The following NKAIN3 variants were observed in gnomAD, a reference collection of about 807,000 sequenced individuals.
The protein encoded by NKAIN3 is sodium/potassium-transporting ATPase subunit beta-1-interacting protein 3.
NKAIN3 carries 25 observed loss-of-function variants against 30.2 expected under a neutral mutation model. That is an observed-to-expected ratio of 0.83 (90% CI 0.60 to 1.16). The LOEUF (loss-of-function observed/expected upper bound fraction) is 1.16. Ranked by LOEUF, NKAIN3 falls within the 50% of genes most tolerant of loss-of-function variation. The probability of loss-of-function intolerance (pLI) is 0.00; values close to 1 mark genes in which losing one functional copy is unlikely to be tolerated. For synonymous variants in NKAIN3, 91 were observed against 89.6 expected (o/e 1.02, Z -0.09); for missense variants, 225 against 254.1 (o/e 0.89, Z 0.78).
intron 1 of NKAIN3, among the ~76,000 whole-genome samples, chr8:62,362,137 T>C (rs1816584657): frequency 6.6e-6 from 1 of 152,180 alleles, no homozygotes; most frequent in Non-Finnish European, 1.5e-5. Flanking sequence ...AACATAAATA[T>C]TGAATGAGTT....
At chr8:62,805,724 T>C (rs552100930) in intron 4 of NKAIN3, among the ~76,000 whole-genome samples, 76 of 152,312 alleles carry the variant, frequency 5.0e-4, no homozygotes, top group African/African-American at 1.8e-3. Flanking sequence ...GGCATTACCA[T>C]TCAGGACATA....
chr8:62,545,662 G>C (rs1808981262), intron 1 of NKAIN3, among the ~76,000 whole-genome samples: 1 of 152,126 alleles, frequency 6.6e-6, no homozygotes, highest in Non-Finnish European at 1.5e-5. Flanking sequence ...GCATGGAATT[G>C]ATGTGCAATA....
intron 3 of NKAIN3, among the ~76,000 whole-genome samples, chr8:62,605,366 A>G (rs1811092475): frequency 6.6e-6 from 1 of 152,038 alleles, no homozygotes; most frequent in East Asian, 1.9e-4. Flanking sequence ...GTTTTACATT[A>G]GAAAATGTGT....
At chr8:62,945,646 G>A (rs1823103037) in intron 5 of NKAIN3, among the ~76,000 whole-genome samples, 2 of 152,142 alleles carry the variant, frequency 1.3e-5, no homozygotes, top group African/African-American at 2.4e-5. Flanking sequence ...TCTTGAAATT[G>A]AACACTCTAC....
intron 1 of NKAIN3, among the ~76,000 whole-genome samples, chr8:62,447,794 A>G (rs1805529762): frequency 6.6e-6 from 1 of 152,046 alleles, no homozygotes. Context: ...GACACTGATT[A>G]TATCTATGTA....
chr8:62,372,106 G>A (rs887588717), intron 1 of NKAIN3, among the ~76,000 whole-genome samples: 2 of 151,826 alleles, frequency 1.3e-5, no homozygotes, highest in African/African-American at 2.4e-5. Context: ...CTGTGAGATA[G>A]AGAAAGCCAA....
chr8:62,617,233 A>G (rs958744457), intron 3 of NKAIN3, among the ~76,000 whole-genome samples: 3 of 152,176 alleles, frequency 2.0e-5, no homozygotes, highest in African/African-American at 7.2e-5. Flanking sequence ...CTTTATAGCA[A>G]TGCAAGAATG....
At chr8:62,475,494 C>T (rs1375538417) in intron 1 of NKAIN3, among the ~76,000 whole-genome samples, 1 of 152,088 alleles carries the variant, frequency 6.6e-6, no homozygotes, top group African/African-American at 2.4e-5. Flanking sequence ...ATATAGTTCA[C>T]CCAATTAAAG....
At chr8:62,402,436 A>G (rs1400895614) in intron 1 of NKAIN3, among the ~76,000 whole-genome samples, 1 of 152,118 alleles carries the variant, frequency 6.6e-6, no homozygotes, top group Non-Finnish European at 1.5e-5. Context: ...CCCCACCCAA[A>G]TCTCATTTTG....
chr8:62,977,379 G>A lies in NKAIN3; in HGVS notation c.*11972G>A, dbSNP rs1823966760. Reference sequence around the variant, plus strand: ...TCACATAGTCCCATATTTCTGAGAGGTTCTGTTCATTCCTTTTCCATTTTT... The same window carrying A: ...TCACATAGTCCCATATTTCTGAGAGATTCTGTTCATTCCTTTTCCATTTTT... On this transcript the variant is annotated 3_prime_UTR_variant, in exon 7 of 7. Transcript: ENST00000623646. 6.6e-6 allele frequency among the ~76,000 whole-genome samples: 1 copy of A among 151,928 alleles called. No individual in the cohort carries two copies. Among genetic ancestry groups the A allele is most frequent in the South Asian group, 2.1e-4 (1 of 4,820 alleles).
intron 3 of NKAIN3, among the ~76,000 whole-genome samples, chr8:62,744,799 G>C (rs2130578577): frequency 6.6e-6 from 1 of 152,102 alleles, no homozygotes; most frequent in Non-Finnish European, 1.5e-5. Flanking sequence ...GATACAAGTA[G>C]CAAACCAACA....
At chr8:62,896,790 ATG>A (rs543305351) in intron 4 of NKAIN3, among the ~76,000 whole-genome samples, 236 of 152,286 alleles carry the variant, frequency 1.5e-3, no homozygotes, top group Non-Finnish European at 1.5e-3. Context: ...TGTCAACACT[ATG>A]TGAATTTGGA....
At chr8:62,957,315 T>C (rs908696044) in intron 6 of NKAIN3, among the ~76,000 whole-genome samples, 40 of 152,176 alleles carry the variant, frequency 2.6e-4, no homozygotes, top group Non-Finnish European at 4.9e-4. Flanking sequence ...TTTGTATTTT[T>C]AGTAGAGACG....
chr8:62,715,826 G>A (rs559346305), intron 3 of NKAIN3, among the ~76,000 whole-genome samples: 2 of 152,240 alleles, frequency 1.3e-5, no homozygotes, highest in East Asian at 1.9e-4. Context: ...ACCAACAGCT[G>A]GGACACTCTG....
At chr8:62,767,892 T>C (rs1039650041) in intron 4 of NKAIN3, among the ~76,000 whole-genome samples, 1 of 152,060 alleles carries the variant, frequency 6.6e-6, no homozygotes, top group African/African-American at 2.4e-5. Context: ...AATTATTCTA[T>C]ATTGATTATA....
chr8:62,339,869 G>A (rs1265742531), intron 1 of NKAIN3, among the ~76,000 whole-genome samples: 1 of 152,010 alleles, frequency 6.6e-6, no homozygotes, highest in Non-Finnish European at 1.5e-5. Context: ...GAAATGGTAA[G>A]GAAGACTTTA....
At chr8:62,631,669 G>C (rs1811963653) in intron 3 of NKAIN3, among the ~76,000 whole-genome samples, 1 of 152,098 alleles carries the variant, frequency 6.6e-6, no homozygotes, top group Non-Finnish European at 1.5e-5. Context: ...TTAGCTTCCA[G>C]AGACTTCTGT....
chr8:62,542,869 T>C (rs1808889509), intron 1 of NKAIN3, among the ~76,000 whole-genome samples: 1 of 152,166 alleles, frequency 6.6e-6, no homozygotes, highest in African/African-American at 2.4e-5. Flanking sequence ...ATCTAAGCAA[T>C]GTGTAGTAAT....
At chr8:62,642,025 A>G (rs1012487524) in intron 3 of NKAIN3, among the ~76,000 whole-genome samples, 2 of 152,114 alleles carry the variant, frequency 1.3e-5, no homozygotes, top group Non-Finnish European at 2.9e-5. Context: ...AGATATATGG[A>G]TGAAACAAAT....
Sources: allele counts gnomAD v4.1 joint callset (sites outside exome capture counted in the v4.1 genomes callset), GRCh38; gene constraint gnomAD v4.1.1; transcripts MANE v1.5; gene names NCBI Gene and HGNC (gene_info 2026-07-23, HGNC 2026-07-21).